Variants in GOLGA5 observed in about 807,000 individuals in gnomAD.
GOLGA5 encodes golgin subfamily A member 5.
In GOLGA5, 50 loss-of-function variants were observed where a neutral mutation model predicts 93.5. The ratio of observed to expected loss-of-function variants is 0.53; its 90% CI spans 0.43 to 0.68. The LOEUF is 0.68. GOLGA5 is among the 30% of genes least tolerant of loss of function. The pLI is 0.00. For missense variants in GOLGA5, 760 were observed against 856.4 expected (o/e 0.89, Z 1.40); for synonymous variants, 312 against 304.5 (o/e 1.02, Z -0.26).
chr14:92,832,745 A>G (rs1026815306), intron 9 of GOLGA5, among the ~76,000 whole-genome samples: 5 of 152,176 alleles, frequency 3.3e-5, no homozygotes, highest in Non-Finnish European at 7.3e-5. Flanking sequence ...TGTCCTCTAA[A>G]CCCATGCTTT....
intron 2 of GOLGA5, among the ~76,000 whole-genome samples, chr14:92,800,628 T>G (rs1229325321): frequency 1.3e-5 from 2 of 152,204 alleles, no homozygotes; most frequent in Non-Finnish European, 2.9e-5. Context: ...AATTTAAAAA[T>G]GAATTATTGA....
At chr14:92,814,166 G>A (rs1885156830) in intron 6 of GOLGA5, among the ~76,000 whole-genome samples, 1 of 152,162 alleles carries the variant, frequency 6.6e-6, no homozygotes, top group Non-Finnish European at 1.5e-5. Context: ...TTAGGCAAGA[G>A]CGATGTGTAA....
intron 3 of GOLGA5, among the ~76,000 whole-genome samples, chr14:92,808,701 G>A (rs374210104): frequency 3.0e-5 from 4 of 135,180 alleles, no homozygotes; most frequent in Admixed American, 7.5e-5. Flanking sequence ...TGTCTCACTG[G>A]AAAAAAAAAA....
intron 10 of GOLGA5, among the ~76,000 whole-genome samples, chr14:92,834,452 G>A (rs767105900): frequency 1.3e-5 from 2 of 151,612 alleles, no homozygotes; most frequent in African/African-American, 2.4e-5. Flanking sequence ...GAGAACATAC[G>A]GTGAAAAGTG....
intron 11 of GOLGA5, among the ~76,000 whole-genome samples, chr14:92,837,066 C>T (rs375484099): frequency 1.3e-5 from 2 of 149,584 alleles, no homozygotes; most frequent in Non-Finnish European, 3.0e-5. Context: ...AGAGAAACTC[C>T]GTCTCAAAAA....
At chr14:92,812,861 T>C (rs1263055940) in intron 6 of GOLGA5, among the ~76,000 whole-genome samples, 11 of 152,184 alleles carry the variant, frequency 7.2e-5, no homozygotes, top group Admixed American at 2.0e-4. Flanking sequence ...TCATTGTCCT[T>C]TCTTACCTTG....
chr14:92,827,756 A>C (rs1420923620), intron 9 of GOLGA5, among the ~76,000 whole-genome samples: 1 of 152,228 alleles, frequency 6.6e-6, no homozygotes, highest in African/African-American at 2.4e-5. Context: ...TCTTGAAGGA[A>C]ATTAAAAGTG....
In GOLGA5 at chr14:92,797,781, A is replaced by C. The variant is rs1026520489; in HGVS notation, c.344A>C (p.Lys115Thr). The C allele has an allele frequency of 2.5e-6, 4 of 1,613,716 alleles. No individual in the cohort carries two copies. In the African/African-American group the frequency reaches 5.3e-5, roughly 22 times the overall value. The change falls in exon 2 of 13, where the codon AAG becomes ACG. Residue 115 changes from lysine (K) to threonine (T), a missense_variant. Coordinates refer to ENST00000163416, the MANE Select transcript of GOLGA5 (RefSeq NM_005113.4). ...RPSSHFVRRKKSEPDDELLFD... is the reference protein window; with the variant it reads ...RPSSHFVRRKTSEPDDELLFD... Reference sequence around the variant, plus strand: ...TCATCCCATTTTGTGCGAAGAAAAAAGTCAGAACCTGATGATGAGCTGCTG... The same window carrying C: ...TCATCCCATTTTGTGCGAAGAAAAACGTCAGAACCTGATGATGAGCTGCTG...
intron 2 of GOLGA5, among the ~76,000 whole-genome samples, 159 bp from the exon 3 acceptor site, chr14:92,806,577 T>C (rs1884990452): frequency 6.6e-6 from 1 of 152,188 alleles, no homozygotes; most frequent in African/African-American, 2.4e-5. Flanking sequence ...CCTCCCAAAA[T>C]GCTGGGATTA....
intron 6 of GOLGA5, among the ~76,000 whole-genome samples, chr14:92,815,065 A>C (rs1431839823): frequency 6.6e-6 from 1 of 151,876 alleles, no homozygotes; most frequent in East Asian, 1.9e-4. Flanking sequence ...TAGTCATGTC[A>C]CTCCTCTCTC....
intron 9 of GOLGA5, among the ~76,000 whole-genome samples, chr14:92,826,383 A>G (rs1885422524): frequency 6.6e-6 from 1 of 151,700 alleles, no homozygotes; most frequent in Admixed American, 6.6e-5. Flanking sequence ...GGCTTTCTGC[A>G]TGTAGGTTAA....
In GOLGA5 at chr14:92,836,542, T is replaced by C. The variant is rs191042019; in HGVS notation, c.2052-844T>C. Among the ~76,000 whole-genome samples the C allele has an allele frequency of 4.2e-3, 644 of 152,264 alleles. 9 individuals are homozygous for C. Among genetic ancestry groups the C allele is most frequent in the Non-Finnish European group, 3.5e-3 (237 of 68,016 alleles). ...GGTATTGCTTCTGCATGTATCTGTCTTGATAGGGAAAAAAATGTTGCAGAG... is the reference window on the plus strand; with the variant it reads ...GGTATTGCTTCTGCATGTATCTGTCCTGATAGGGAAAAAAATGTTGCAGAG... On this transcript the variant is annotated intron_variant, in intron 11 of 12. Coordinates refer to ENST00000163416, the MANE Select transcript of GOLGA5 (RefSeq NM_005113.4).
At chr14:92,834,184 C>CTTTTTTTTTTTTTTTTTTTTTTT (rs35449807) in intron 10 of GOLGA5, among the ~76,000 whole-genome samples, 1 of 135,066 alleles carries the variant, frequency 7.4e-6, no homozygotes, top group African/African-American at 2.6e-5. Flanking sequence ...TAGGTTTCAC[C>CTTTTTTTTTTTTTTTTTTTTTTT]TTTTTTTTTT....
chr14:92,796,133 A>G (rs567959206), intron 1 of GOLGA5, among the ~76,000 whole-genome samples: 16 of 152,388 alleles, frequency 1.0e-4, no homozygotes, highest in Non-Finnish European at 2.1e-4. Context: ...GTGCACACCT[A>G]AATTATATGT....
chr14:92,818,609 T>C (rs1381115913), intron 7 of GOLGA5, among the ~76,000 whole-genome samples: 2 of 152,316 alleles, frequency 1.3e-5, no homozygotes, highest in East Asian at 3.9e-4. Flanking sequence ...TGCTTTTTCC[T>C]CTAAATCTAC....
intron 10 of GOLGA5, 139 bp downstream of exon 10, chr14:92,833,486 G>A: frequency 1.6e-6 from 1 of 630,090 alleles, no homozygotes. Flanking sequence ...GCCACGTACT[G>A]TTTAGTATTG....
At chr14:92,807,212 G>T (rs914784386) in intron 3 of GOLGA5, among the ~76,000 whole-genome samples, 2 of 152,186 alleles carry the variant, frequency 1.3e-5, no homozygotes, top group Non-Finnish European at 2.9e-5. Context: ...TGAGGCAGGG[G>T]AGTTGCTTGA....
chr14:92,809,817 G>T (rs936247550), intron 4 of GOLGA5, among the ~76,000 whole-genome samples: 2 of 152,244 alleles, frequency 1.3e-5, no homozygotes, highest in East Asian at 3.9e-4. Context: ...AAATTAGCCG[G>T]GGGTGGTGGC....
intron 6 of GOLGA5, 92 bp downstream of exon 6, chr14:92,811,846 G>C: frequency 3.4e-6 from 3 of 889,778 alleles, no homozygotes; most frequent in Non-Finnish European, 5.5e-6. Flanking sequence ...GAGGTGCTTT[G>C]TTCATGTTCG....
Sources: gnomAD v4.1 joint callset for allele counts (sites outside exome capture counted in the v4.1 genomes callset) on GRCh38, gnomAD v4.1.1 for gene constraint, MANE v1.5 for transcripts, NCBI Gene and HGNC (gene_info 2026-07-23, HGNC 2026-07-21) for gene names.